The following FNBP1L variants were observed in gnomAD, a reference collection of about 807,000 sequenced individuals.
FNBP1L encodes the protein formin-binding protein 1-like.
A neutral mutation model predicts 91.2 loss-of-function variants in FNBP1L; 36 were observed. The ratio of observed to expected loss-of-function variants is 0.39; its 90% CI spans 0.30 to 0.52. The LOEUF (loss-of-function observed/expected upper bound fraction) is 0.52. FNBP1L is among the 20% of genes least tolerant of loss of function. The pLI is 0.66. For missense variants in FNBP1L, 571 were observed against 732.1 expected (o/e 0.78, Z 2.54); for synonymous variants, 242 against 237.0 (o/e 1.02, Z -0.19).
At chr1:93,539,216 C>T (rs913997677) in intron 10 of FNBP1L, among the ~76,000 whole-genome samples, 10 of 151,912 alleles carry the variant, frequency 6.6e-5, no homozygotes, top group African/African-American at 2.4e-4. Context: ...CAGAGTAGTT[C>T]TCATGAAATT....
intron 1 of FNBP1L, among the ~76,000 whole-genome samples, chr1:93,450,910 C>G (rs183699027): frequency 1.2e-4 from 18 of 152,144 alleles, no homozygotes; most frequent in African/African-American, 4.3e-4. Context: ...GGCTCTAATA[C>G]TGACTTTGGG....
intron 1 of FNBP1L, among the ~76,000 whole-genome samples, chr1:93,463,895 G>A (rs1295401579): frequency 6.6e-6 from 1 of 152,148 alleles, no homozygotes; most frequent in African/African-American, 2.4e-5. Context: ...TGACCTAAAT[G>A]ATTTTTTAAA....
intron 2 of FNBP1L, among the ~76,000 whole-genome samples, chr1:93,499,932 ATTTCTTCAGAGTTTT>A (rs1342714996): frequency 6.6e-6 from 1 of 152,168 alleles, no homozygotes; most frequent in Non-Finnish European, 1.5e-5. Context: ...AGTATTGAAT[ATTTCTTCAGAGTTTT>A]TTTCTTCAGA....
At chr1:93,486,592 A>C (rs1002167875) in intron 1 of FNBP1L, among the ~76,000 whole-genome samples, 1 of 152,214 alleles carries the variant, frequency 6.6e-6, no homozygotes, top group Non-Finnish European at 1.5e-5. Context: ...GGTAACTGAT[A>C]ATAATAATTC....
rs543608713 is a variant in FNBP1L at position 93,506,277 on chromosome 1, G to A, written c.140+6694G>A. On this transcript the variant is annotated intron_variant, in intron 2 of 16. Coordinates refer to ENST00000271234, the MANE Select transcript of FNBP1L (RefSeq NM_001164473.3). ...TTCTTCTTCTTCTTTTGGTGGGTTG[G>A]TGGCTTTATTCTTTTAGTGCAGACT... 3.4e-4 allele frequency among the ~76,000 whole-genome samples: 51 copies of A among 152,148 alleles called. 1 individual carries two copies. Among genetic ancestry groups the A allele is most frequent in the Non-Finnish European group, 5.9e-4 (40 of 68,036 alleles).
intron 1 of FNBP1L, among the ~76,000 whole-genome samples, chr1:93,497,260 C>T (rs780534103): frequency 6.6e-6 from 1 of 152,150 alleles, no homozygotes; most frequent in Non-Finnish European, 1.5e-5. Context: ...GTGCACCTGG[C>T]CTGAACTTAT....
chr1:93,453,877 T>C (rs960013598), intron 1 of FNBP1L, among the ~76,000 whole-genome samples: 2 of 152,226 alleles, frequency 1.3e-5, no homozygotes, highest in Non-Finnish European at 2.9e-5. Context: ...TTGTGGGGCA[T>C]ACTAAAAGAA....
At chr1:93,513,542 C>A (rs1369152811) in intron 2 of FNBP1L, among the ~76,000 whole-genome samples, 1 of 150,808 alleles carries the variant, frequency 6.6e-6, no homozygotes. Context: ...CAAACCGAAT[C>A]CAGCAGCACA....
At chr1:93,547,111 G>C in intron 13 of FNBP1L, 137 bp downstream of exon 13, 1 of 1,098,418 alleles carries the variant, frequency 9.1e-7, no homozygotes, top group Non-Finnish European at 1.3e-6. Flanking sequence ...TTATTGTGAT[G>C]TGTGTTATTT....
intron 1 of FNBP1L, among the ~76,000 whole-genome samples, chr1:93,452,823 C>T (rs1021897159): frequency 1.3e-5 from 2 of 151,960 alleles, no homozygotes; most frequent in Admixed American, 1.3e-4. Context: ...AATGAAAGGC[C>T]GTGAAACTGC....
intron 2 of FNBP1L, among the ~76,000 whole-genome samples, chr1:93,517,012 T>TTCCTCC (rs1671144845): frequency 6.6e-6 from 1 of 151,792 alleles, no homozygotes; most frequent in African/African-American, 2.4e-5. Flanking sequence ...GTTCTTCCTC[T>TTCCTCC]TCCTCCTCCT....
At chr1:93,491,410 G>C (rs1376387020) in intron 1 of FNBP1L, among the ~76,000 whole-genome samples, 4 of 151,508 alleles carry the variant, frequency 2.6e-5, no homozygotes, top group Admixed American at 2.6e-4. Context: ...ACCCCAAAGA[G>C]ACAGGGTCTT....
intron 16 of FNBP1L, 143 bp from the exon 17 acceptor site, chr1:93,552,264 CAT>C (rs1427368812): frequency 1.4e-6 from 2 of 1,437,868 alleles, no homozygotes; most frequent in Non-Finnish European, 1.8e-6. Flanking sequence ...TAATTTTGCC[CAT>C]GTTTTAAATT....
chr1:93,515,803 T>C (rs577445309), intron 2 of FNBP1L, among the ~76,000 whole-genome samples: 5 of 151,176 alleles, frequency 3.3e-5, no homozygotes, highest in East Asian at 1.9e-4. Context: ...TTGGGAGATA[T>C]ACGTAATGCT....
chr1:93,545,628 G>A (rs1454851885), intron 12 of FNBP1L, among the ~76,000 whole-genome samples: 1 of 152,106 alleles, frequency 6.6e-6, no homozygotes, highest in African/African-American at 2.4e-5. Flanking sequence ...TATTAGCTCT[G>A]TGTGATAAAA....
At chr1:93,515,975 G>A (rs1471713553) in intron 2 of FNBP1L, among the ~76,000 whole-genome samples, 1 of 151,930 alleles carries the variant, frequency 6.6e-6, no homozygotes, top group Non-Finnish European at 1.5e-5. Flanking sequence ...TCCTCTATGA[G>A]TCTCATCATC....
chr1:93,536,724 G>A (rs764613432), intron 10 of FNBP1L, among the ~76,000 whole-genome samples: 1 of 151,980 alleles, frequency 6.6e-6, no homozygotes, highest in African/African-American at 2.4e-5. Flanking sequence ...TCATATTTTA[G>A]CTATTTTTTT....
chr1:93,481,386 A>G (rs1020484852), intron 1 of FNBP1L, among the ~76,000 whole-genome samples: 2 of 152,220 alleles, frequency 1.3e-5, no homozygotes, highest in African/African-American at 4.8e-5. Context: ...TACTAAATGA[A>G]GAGTTGTAAC....
intron 1 of FNBP1L, among the ~76,000 whole-genome samples, chr1:93,478,536 A>G (rs1290755679): frequency 1.3e-5 from 2 of 152,182 alleles, no homozygotes; most frequent in Admixed American, 6.5e-5. Flanking sequence ...GTCCATGCAG[A>G]CAGCAGCACA....
Sources: gnomAD v4.1 joint callset for allele counts (sites outside exome capture counted in the v4.1 genomes callset) on GRCh38, gnomAD v4.1.1 for gene constraint, MANE v1.5 for transcripts, NCBI Gene and HGNC (gene_info 2026-07-23, HGNC 2026-07-21) for gene names.